CTNNA3: variants seen among roughly 807,000 people sequenced by gnomAD.
CTNNA3 encodes catenin alpha-3.
In CTNNA3, 76 loss-of-function variants were observed where a neutral mutation model predicts 95.7. The observed-to-expected ratio is 0.79, with a 90% CI of 0.66 to 0.96. The LOEUF (loss-of-function observed/expected upper bound fraction) is 0.96, where lower values mean the gene tolerates loss of function less well. Ranked by LOEUF, CTNNA3 falls within the 40% of genes least tolerant of loss-of-function variation. The pLI, the probability that CTNNA3 is intolerant of heterozygous loss-of-function variation, is 0.00. For missense variants in CTNNA3, 1,191 were observed against 1,089.8 expected, an observed-to-expected ratio of 1.09 and a Z score of -1.31; for synonymous variants, 431 against 374.4, an observed-to-expected ratio of 1.15 and a Z score of -1.74.
intron 7 of CTNNA3, among the ~76,000 whole-genome samples, chr10:67,114,266 A>T (rs1270000539): frequency 1.3e-5 from 2 of 152,084 alleles, no homozygotes; most frequent in Non-Finnish European, 2.9e-5. Context: ...ATAAGTTAAA[A>T]TTTTGGAATA....
chr10:66,391,508 A>G (rs1338963161), intron 11 of CTNNA3, among the ~76,000 whole-genome samples: 1 of 152,080 alleles, frequency 6.6e-6, no homozygotes, highest in Non-Finnish European at 1.5e-5. Flanking sequence ...TCTAATTCTC[A>G]AGGAGTGTGT....
intron 11 of CTNNA3, among the ~76,000 whole-genome samples, chr10:66,446,043 C>A (rs1358385477): frequency 2.0e-5 from 3 of 151,558 alleles, no homozygotes; most frequent in Non-Finnish European, 4.4e-5. Flanking sequence ...ATACTATTAA[C>A]ACCTCTAAGC....
At chr10:66,737,175 T>C (rs2132684630) in intron 9 of CTNNA3, among the ~76,000 whole-genome samples, 1 of 152,240 alleles carries the variant, frequency 6.6e-6, no homozygotes, top group South Asian at 2.1e-4. Context: ...CACACACTAG[T>C]GTAAAATAAT....
At chr10:66,715,211 T>A (rs2132618232) in intron 9 of CTNNA3, among the ~76,000 whole-genome samples, 1 of 152,142 alleles carries the variant, frequency 6.6e-6, no homozygotes, top group East Asian at 1.9e-4. Context: ...CCAAATTAAA[T>A]TTTTATACCT....
At chr10:65,935,914 T>C (rs1431166691) in intron 17 of CTNNA3, among the ~76,000 whole-genome samples, 1 of 152,188 alleles carries the variant, frequency 6.6e-6, no homozygotes, top group Non-Finnish European at 1.5e-5. Flanking sequence ...ATGCATATTT[T>C]ATTGGAACTG....
chr10:67,583,320 C>T (rs1842483553), intron 3 of CTNNA3, among the ~76,000 whole-genome samples: 1 of 152,148 alleles, frequency 6.6e-6, no homozygotes, highest in Non-Finnish European at 1.5e-5. Flanking sequence ...ACTTATGAAG[C>T]TTAGTTTGGC....
At chr10:66,553,040 G>T (rs916968440) in intron 10 of CTNNA3, among the ~76,000 whole-genome samples, 1 of 151,704 alleles carries the variant, frequency 6.6e-6, no homozygotes, top group African/African-American at 2.4e-5. Context: ...TCTGATATTG[G>T]TTATTTATTC....
At chr10:67,582,689 A>G (rs1842449446) in intron 3 of CTNNA3, among the ~76,000 whole-genome samples, 1 of 151,364 alleles carries the variant, frequency 6.6e-6, no homozygotes, top group Non-Finnish European at 1.5e-5. Flanking sequence ...ATTGTGTGGG[A>G]GTCTAAGTCT....
intron 6 of CTNNA3, among the ~76,000 whole-genome samples, chr10:67,211,480 C>A (rs1204082600): frequency 6.6e-6 from 1 of 152,052 alleles, no homozygotes; most frequent in Non-Finnish European, 1.5e-5. Flanking sequence ...TGTTGTCCTT[C>A]TTTTATTGGG....
chr10:66,783,102 G>T (rs955294036), intron 7 of CTNNA3, among the ~76,000 whole-genome samples: 1 of 152,078 alleles, frequency 6.6e-6, no homozygotes, highest in Non-Finnish European at 1.5e-5. Flanking sequence ...AACTAATTAA[G>T]TACTGAGAAC....
At chr10:66,199,552 A>C (rs2087183970) in intron 13 of CTNNA3, among the ~76,000 whole-genome samples, 1 of 151,160 alleles carries the variant, frequency 6.6e-6, no homozygotes, top group Non-Finnish European at 1.5e-5. Context: ...AAAAACTATC[A>C]GACATATTAT....
At chr10:66,370,082 A>T (rs545695736) in intron 12 of CTNNA3, among the ~76,000 whole-genome samples, 15 of 152,148 alleles carry the variant, frequency 9.9e-5, no homozygotes, top group African/African-American at 3.4e-4. Flanking sequence ...TCGAATTCAC[A>T]TGGTTTATGT....
intron 13 of CTNNA3, among the ~76,000 whole-genome samples, chr10:66,128,041 TAGCCTGGGTGACAC>T (rs2082906799): frequency 6.6e-6 from 1 of 151,990 alleles, no homozygotes; most frequent in Non-Finnish European, 1.5e-5. Context: ...CACTGTCCTC[TAGCCTGGGTGACAC>T]AGCAAGACTC....
chr10:66,902,799 A>G (rs1466184933), intron 7 of CTNNA3, among the ~76,000 whole-genome samples: 1 of 152,228 alleles, frequency 6.6e-6, no homozygotes, highest in Admixed American at 6.5e-5. Flanking sequence ...AAATTGCTGG[A>G]CACATACACC....
At chr10:66,867,160 C>A (rs529052024) in intron 7 of CTNNA3, among the ~76,000 whole-genome samples, 1 of 151,100 alleles carries the variant, frequency 6.6e-6, no homozygotes, top group East Asian at 1.9e-4. Context: ...GGTATGTCTT[C>A]ATCAGCAGTG....
At chr10:66,037,303 G>A (rs2079584879) in intron 15 of CTNNA3, among the ~76,000 whole-genome samples, 1 of 152,140 alleles carries the variant, frequency 6.6e-6, no homozygotes, top group Non-Finnish European at 1.5e-5. Context: ...TTGGTTAAAA[G>A]AATAAACACT....
rs755301482 is a variant in CTNNA3 at position 66,379,189 on chromosome 10, T to C, written c.1695A>G (p.Glu565=). The C allele has an allele frequency of 3.2e-5, 52 of 1,614,018 alleles. No homozygotes were observed. Among genetic ancestry groups the C allele is most frequent in the Non-Finnish European group, 4.0e-5 (47 of 1,179,994 alleles). Residue 565 remains glutamate (E), a synonymous_variant, in exon 12 of 18, where the codon GAA becomes GAG. Transcript: ENST00000433211. ...MDSYEPGAYT[E]GVMRNVNFLT... ...GGAAGTTAACATTTCTCATTACACC[T>C]TCCGTGTAAGCCCCTGGCTCGTAAC... is the stretch of plus-strand genomic sequence containing the variant.
intron 2 of CTNNA3, among the ~76,000 whole-genome samples, chr10:67,613,288 A>G (rs894936886): frequency 6.6e-6 from 1 of 152,066 alleles, no homozygotes; most frequent in Non-Finnish European, 1.5e-5. Flanking sequence ...CACGAACTCA[A>G]TAAGGACAGG....
chr10:66,179,937 A>C (rs2085947106), intron 13 of CTNNA3, among the ~76,000 whole-genome samples: 1 of 152,122 alleles, frequency 6.6e-6, no homozygotes, highest in African/African-American at 2.4e-5. Context: ...AATTTGAATA[A>C]AGAGTATGGG....
Sources: gnomAD v4.1 joint callset for allele counts (sites outside exome capture counted in the v4.1 genomes callset) on GRCh38, gnomAD v4.1.1 for gene constraint, MANE v1.5 for transcripts, NCBI Gene and HGNC (gene_info 2026-07-23, HGNC 2026-07-21) for gene names.